ATP13A5: variants seen among roughly 807,000 people sequenced by gnomAD.
ATP13A5 encodes the protein probable cation-transporting ATPase 13A5.
Under a neutral mutation model 150.2 loss-of-function variants are expected in ATP13A5, and 149 were observed. The ratio of observed to expected loss-of-function variants is 0.99; its 90% CI spans 0.87 to 1.14. ATP13A5 has a LOEUF of 1.14. Ranked by LOEUF, ATP13A5 falls within the 50% of genes most tolerant of loss-of-function variation. The pLI is 0.00. For missense variants in ATP13A5, 1,383 were observed against 1,449.3 expected (o/e 0.95, Z 0.74); for synonymous variants, 497 against 522.2 (o/e 0.95, Z 0.66).
intron 21 of ATP13A5, among the ~76,000 whole-genome samples, chr3:193,308,217 TG>T (rs1718692907): frequency 6.6e-6 from 1 of 152,198 alleles, no homozygotes; most frequent in Non-Finnish European, 1.5e-5. Flanking sequence ...CCCAGCATTT[TG>T]GGAGGCTGAG....
intron 5 of ATP13A5, among the ~76,000 whole-genome samples, chr3:193,361,238 A>C (rs1349091841): frequency 6.6e-6 from 1 of 152,214 alleles, no homozygotes; most frequent in Non-Finnish European, 1.5e-5. Context: ...TGAGCATTAC[A>C]TCTGAAATCT....
At chr3:193,319,190 C>G (rs1159908006) in intron 16 of ATP13A5, 82 bp from the exon 17 acceptor site, 1 of 989,494 alleles carries the variant, frequency 1.0e-6, no homozygotes, top group East Asian at 2.5e-5. Context: ...AGCCATTGTA[C>G]CTTGTCTTAA....
At chr3:193,336,642 G>A (rs1206244252) in intron 9 of ATP13A5, among the ~76,000 whole-genome samples, 5 of 152,132 alleles carry the variant, frequency 3.3e-5, no homozygotes, top group South Asian at 2.1e-4. Context: ...ATCATTGATG[G>A]GCACTTGGGT....
Position 193,307,371 on chromosome 3 carries a change from T to G in ATP13A5, c.2526-2A>C, listed in dbSNP as rs748736136. The G allele has an allele frequency of 1.2e-6, 2 of 1,611,484 alleles. No homozygotes were observed. Among genetic ancestry groups the G allele is most frequent in the South Asian group, 2.2e-5 (2 of 91,002 alleles). On this transcript the variant is annotated splice_acceptor_variant, in intron 21 of 29. Transcript: ENST00000342358. LOFTEE classifies it high-confidence loss of function. ...TCTCCACACATGCCCACATAATAAC[T>G]GCGGGAGACAGGAGAAGAAGGATTA...
chr3:193,298,051 CA>C (rs1718242855), intron 25 of ATP13A5, among the ~76,000 whole-genome samples: 1 of 152,040 alleles, frequency 6.6e-6, no homozygotes, highest in Non-Finnish European at 1.5e-5. Context: ...CACACTTCAC[CA>C]GCATCATTGT....
chr3:193,363,203 C>T (rs750761795), intron 3 of ATP13A5, 33 bp downstream of exon 3: 3 of 1,574,846 alleles, frequency 1.9e-6, no homozygotes, highest in African/African-American at 2.7e-5. Context: ...TCTCTGTAAA[C>T]ATGCATAACA....
chr3:193,344,053 A>T lies in ATP13A5; in HGVS notation c.817T>A (p.Leu273Met). Residue 273 changes from leucine to methionine, a missense_variant and splice_region_variant, in exon 9 of 30, where the codon TTG becomes ATG. Coordinates refer to ENST00000342358, the MANE Select transcript of ATP13A5 (RefSeq NM_198505.4). ...QVTIIVKDKG[L>M]EELESRLLVP... ...AAGAGACGGGATTCCAGCTCCTCCA[A>T]ACCTACACCAAAGCAAAGTTTCCAT... The T allele has an allele frequency of 1.9e-6, 3 of 1,611,244 alleles. No homozygotes were observed. Among genetic ancestry groups the T allele is most frequent in the Non-Finnish European group, 2.5e-6 (3 of 1,178,888 alleles).
chr3:193,319,226 T>C (rs1486290122), intron 16 of ATP13A5, 118 bp from the exon 17 acceptor site: 17 of 690,332 alleles, frequency 2.5e-5, no homozygotes, highest in Non-Finnish European at 3.9e-5. Flanking sequence ...AGCACTTTAA[T>C]AGAAAACTTA....
intron 6 of ATP13A5, among the ~76,000 whole-genome samples, 183 bp from the exon 7 acceptor site, chr3:193,351,384 T>C (rs1043423528): frequency 6.7e-6 from 1 of 149,566 alleles, no homozygotes. Flanking sequence ...TAGAATGTGA[T>C]ATGGTGGAAG....
chr3:193,321,671 G>A lies in ATP13A5; in HGVS notation c.1915+10C>T, dbSNP rs760525920. 6.2e-7 allele frequency: 1 copy of A among 1,613,534 alleles called. No individual in the cohort carries two copies. The highest frequency in any genetic ancestry group is 1.1e-5 in the South Asian group (1 of 91,056). On this transcript the variant is annotated intron_variant, in intron 16 of 29. Transcript: ENST00000342358. The stretch of plus-strand genomic sequence containing the variant: ...GTATTTTACTTCTTGAAAGAGAAAA[G>A]TGTTAGTACCTGTTTCAGATCTGCA...
rs778497655 is a variant in ATP13A5 at position 193,321,777 on chromosome 3, T to C, written c.1819A>G (p.Met607Val). The C allele has an allele frequency of 6.2e-7, 1 of 1,614,030 alleles. No individual in the cohort carries two copies. Among genetic ancestry groups the C allele is most frequent in the Non-Finnish European group, 8.5e-7 (1 of 1,180,016 alleles). Residue 607 changes from methionine to valine, a missense_variant, in exon 16 of 30, where the codon ATG becomes GTG. Around this residue, in one of 3 missense-constraint regions of ATP13A5, gnomAD observed 787 missense variants for 771.9 expected, o/e 1.02. Transcript: ENST00000342358. ...QFPFSSSLQR[M>V]SVIAQLAGEN... ...CCAGCTAGCTGAGCGATCACGGACA[T>C]CCTCTGCAGGCTCGAGGAAAATGGA... is the stretch of plus-strand genomic sequence containing the variant.
chr3:193,288,840 T>C (rs1357781552), intron 26 of ATP13A5, among the ~76,000 whole-genome samples: 1 of 152,048 alleles, frequency 6.6e-6, no homozygotes, highest in Middle Eastern at 3.2e-3. Context: ...GTAATAAAAT[T>C]GAGGGCTAGT....
intron 25 of ATP13A5, among the ~76,000 whole-genome samples, chr3:193,297,013 G>A (rs1718200018): frequency 6.6e-6 from 1 of 152,038 alleles, no homozygotes; most frequent in Non-Finnish European, 1.5e-5. Flanking sequence ...AATGGATGCT[G>A]GGCTTAATAC....
intron 14 of ATP13A5, among the ~76,000 whole-genome samples, chr3:193,324,272 C>A (rs1719392073): frequency 6.6e-6 from 1 of 152,136 alleles, no homozygotes; most frequent in Non-Finnish European, 1.5e-5. Flanking sequence ...AGTTTGGTGT[C>A]TAGACTTATG....
chr3:193,314,729 C>T (rs1335132629), intron 18 of ATP13A5, among the ~76,000 whole-genome samples: 2 of 152,148 alleles, frequency 1.3e-5, no homozygotes, highest in East Asian at 1.9e-4. Flanking sequence ...TGAGGCACCG[C>T]ACAGATCCTG....
chr3:193,275,421 T>C, intron 29 of ATP13A5, 119 bp from the exon 30 acceptor site: 1 of 1,148,132 alleles, frequency 8.7e-7, no homozygotes, highest in Non-Finnish European at 1.2e-6. Context: ...CTCATTGCTG[T>C]TGCATCTACC....
intron 1 of ATP13A5, among the ~76,000 whole-genome samples, chr3:193,364,800 T>C (rs576779141): frequency 8.5e-5 from 13 of 152,290 alleles, no homozygotes; most frequent in African/African-American, 2.9e-4. Context: ...AAATGTACTA[T>C]TTTCTAAAAC....
chr3:193,368,662 T>C (rs1560153622), intron 1 of ATP13A5, among the ~76,000 whole-genome samples: 1 of 152,118 alleles, frequency 6.6e-6, no homozygotes, highest in East Asian at 1.9e-4. Flanking sequence ...AAGGAGCCAC[T>C]GCAATCTGTG....
intron 5 of ATP13A5, among the ~76,000 whole-genome samples, chr3:193,355,254 G>A (rs559182649): frequency 1.5e-4 from 23 of 152,246 alleles, no homozygotes; most frequent in African/African-American, 5.3e-4. Flanking sequence ...TTTAAACAGA[G>A]TTGACAGTGT....
Sources: gnomAD v4.1 joint callset for allele counts (sites outside exome capture counted in the v4.1 genomes callset) on GRCh38, gnomAD v4.1.1 for gene constraint, gnomAD v4.1.1 regional missense constraint, MANE v1.5 for transcripts, NCBI Gene and HGNC (gene_info 2026-07-23, HGNC 2026-07-21) for gene names.